PIK3R5: variants seen among roughly 807,000 people sequenced by gnomAD.
PIK3R5 encodes the protein phosphoinositide-3-kinase regulatory subunit 5.
In PIK3R5, 32 loss-of-function variants were observed where a neutral mutation model predicts 94.9. That is an observed-to-expected ratio of 0.34 (90% CI 0.25 to 0.45). The LOEUF (loss-of-function observed/expected upper bound fraction) is 0.45. Among genes scored for constraint, PIK3R5 ranks in the 20% least tolerant of loss-of-function variants. The pLI, the probability that PIK3R5 is intolerant of heterozygous loss-of-function variation, is 1.00. For synonymous variants in PIK3R5, 443 were observed against 479.4 expected (o/e 0.92, Z 0.99); for missense variants, 853 against 1,144.6 (o/e 0.75, Z 3.68).
chr17:8,888,577 AAGGCCACTC>A lies in PIK3R5; in HGVS notation c.1201_1209del (p.Glu401_Pro403del). The A allele has an allele frequency of 3.7e-6, 6 of 1,612,258 alleles. No homozygotes were observed. The South Asian group carries it at 6.6e-5, about 18-fold the overall frequency. ...CGGCGTTCCTGGCTGCCACGCCTCC[AAGGCCACTC>A]GGAGGAGCTCTCCTCGCTGTCCTCC... On this transcript the variant is annotated inframe_deletion, in exon 10 of 19. Transcript: ENST00000447110. The surrounding 1 kb of genome is among the most constrained non-coding windows in gnomAD (Gnocchi z 7.8).
At position 8,880,892 on chromosome 17, in the gene PIK3R5, C is replaced by T. The variant is rs554251416; in HGVS notation, c.2495+13G>A. ...CAGAAACTGCTCCCCTCCCTAGGACCCCCCTTTCCTACCTGACTACACTCT... is the reference window on the plus strand; with the variant it reads ...CAGAAACTGCTCCCCTCCCTAGGACTCCCCTTTCCTACCTGACTACACTCT... On this transcript the variant is annotated intron_variant, in intron 18 of 18. Coordinates refer to ENST00000447110, the MANE Select transcript of PIK3R5 (RefSeq NM_001142633.3). 1.9e-6 allele frequency: 3 copies of T among 1,612,838 alleles called. No homozygotes were observed. Among genetic ancestry groups the T allele is most frequent in the Admixed American group, 3.3e-5 (2 of 60,020 alleles).
chr17:8,882,740 G>C lies in PIK3R5; in HGVS notation c.2206-859C>G, dbSNP rs561725145. Reference sequence around the variant, plus strand: ...CCCCCCAGAGAAGATGGTGCTGCCAGTCACAGAGGAGTGACTCCAGGAGTC... The same window carrying C: ...CCCCCCAGAGAAGATGGTGCTGCCACTCACAGAGGAGTGACTCCAGGAGTC... On this transcript the variant is annotated intron_variant, in intron 15 of 18. Coordinates refer to ENST00000447110, the MANE Select transcript of PIK3R5 (RefSeq NM_001142633.3). This position sits in a 1 kb window ranked among gnomAD's most constrained non-coding sequence, Gnocchi z 4.1. Among the ~76,000 whole-genome samples, 114 of 152,258 alleles carry C rather than the reference G, an allele frequency of 7.5e-4. 1 individual carries two copies. Among genetic ancestry groups the C allele is most frequent in the African/African-American group, 2.5e-3 (105 of 41,542 alleles).
At chr17:8,932,116 T>G (rs2090996666) in intron 1 of PIK3R5, among the ~76,000 whole-genome samples, 1 of 152,182 alleles carries the variant, frequency 6.6e-6, no homozygotes, top group South Asian at 2.1e-4. Context: ...AGAGTAGGTA[T>G]GTTGAAATTA....
intron 1 of PIK3R5, among the ~76,000 whole-genome samples, chr17:8,964,233 A>T (rs910770057): frequency 8.6e-5 from 13 of 152,024 alleles, no homozygotes; most frequent in Non-Finnish European, 1.5e-4. Context: ...CTCTACAAAA[A>T]ATACAAAAAT....
chr17:8,891,235 G>A (rs1346666316), intron 6 of PIK3R5, among the ~76,000 whole-genome samples: 1 of 152,210 alleles, frequency 6.6e-6, no homozygotes, highest in African/African-American at 2.4e-5. Context: ...ACAGCTGAGT[G>A]GATGCAAGAT....
intron 1 of PIK3R5, among the ~76,000 whole-genome samples, chr17:8,920,742 C>A (rs1410767683): frequency 2.0e-5 from 3 of 151,978 alleles, no homozygotes; most frequent in African/African-American, 7.2e-5. Flanking sequence ...ATAATTTTTA[C>A]AATTACTTCT....
chr17:8,917,865 CAAAAAAAGAA>C (rs2090661128), intron 1 of PIK3R5, among the ~76,000 whole-genome samples: 1 of 148,362 alleles, frequency 6.7e-6, no homozygotes, highest in Middle Eastern at 3.4e-3. Flanking sequence ...GACTCCATGT[CAAAAAAAGAA>C]AAAAAAAGAA....
chr17:8,924,980 C>T (rs1196409573), intron 1 of PIK3R5, among the ~76,000 whole-genome samples: 2 of 152,092 alleles, frequency 1.3e-5, no homozygotes, highest in Non-Finnish European at 2.9e-5. Context: ...CTCCCAACTT[C>T]TCACCAAATA....
In PIK3R5 at chr17:8,893,739, A is replaced by G. The variant is rs2090082496; in HGVS notation, c.413-84T>C. ...TGCCTCGTGGGGAGCCAAGCACTGG[A>G]CAATCAGGTTGGAAATTCCCGGATG... is the stretch of plus-strand genomic sequence containing the variant. On this transcript the variant is annotated intron_variant, in intron 5 of 18. Coordinates refer to ENST00000447110, the MANE Select transcript of PIK3R5 (RefSeq NM_001142633.3). This position sits in a 1 kb window ranked among gnomAD's most constrained non-coding sequence, Gnocchi z 5.1. 3 of 1,059,184 alleles carry G rather than the reference A, an allele frequency of 2.8e-6. No homozygotes were observed. Among genetic ancestry groups the G allele is most frequent in the Non-Finnish European group, 4.4e-6 (3 of 685,976 alleles). 65.6% of individuals were successfully genotyped at this position (1,059,184 alleles called of 1,614,324 possible). A position where few individuals can be genotyped will look rare whatever the true frequency, so the allele number is the denominator to read the frequency against.
At position 8,935,335 on chromosome 17, in the gene PIK3R5, T is replaced by C. The variant is rs1597417712; in HGVS notation, c.-13-23828A>G. Among the ~76,000 whole-genome samples, 1 of 152,128 alleles carries C rather than the reference T, an allele frequency of 6.6e-6. No homozygotes were observed. The highest frequency in any genetic ancestry group is 1.5e-5 in the Non-Finnish European group (1 of 68,026). ...CCGCCCAAATATAGGCCCATGATGT[T>C]ATGACCATATGAGCAATAGGGGATA... On this transcript the variant is annotated intron_variant, in intron 1 of 18. Coordinates refer to ENST00000447110, the MANE Select transcript of PIK3R5 (RefSeq NM_001142633.3). The surrounding 1 kb of genome is among the most constrained non-coding windows in gnomAD (Gnocchi z 4.5).
At chr17:8,924,062 T>A in intron 1 of PIK3R5, among the ~76,000 whole-genome samples, 1 of 11,558 alleles carries the variant, frequency 8.7e-5, no homozygotes, top group Non-Finnish European at 1.8e-4. Context: ...CCTCCCCCCC[T>A]CCCCTCCCTT....
Position 8,892,422 on chromosome 17 carries a change from G to A in PIK3R5, c.482+1164C>T, listed in dbSNP as rs983694251. 6.6e-6 allele frequency among the ~76,000 whole-genome samples: 1 copy of A among 151,956 alleles called. No homozygotes were observed. The highest frequency in any genetic ancestry group is 6.5e-5 in the Admixed American group (1 of 15,270). On this transcript the variant is annotated intron_variant, in intron 6 of 18. Transcript: ENST00000447110. The surrounding 1 kb of genome is among the most constrained non-coding windows in gnomAD (Gnocchi z 4.3). ...TTCTCAATTTACAGATAATGAAAGT[G>A]AGACCATCTCCCAACTGTAAGCTCT...
At position 8,896,968 on chromosome 17, in the gene PIK3R5, T is replaced by G. The variant is rs963933490; in HGVS notation, c.413-3313A>C. ...TCCAGCAACTATGATTAATATCAAC[T>G]CATGGTGGACAGTTTGACCTACCTC... On this transcript the variant is annotated intron_variant, in intron 5 of 18. Coordinates refer to ENST00000447110, the MANE Select transcript of PIK3R5 (RefSeq NM_001142633.3). This position sits in a 1 kb window ranked among gnomAD's most constrained non-coding sequence, Gnocchi z 4.0. Among the ~76,000 whole-genome samples the G allele has an allele frequency of 1.3e-5, 2 of 152,184 alleles. No homozygotes were observed. Among genetic ancestry groups the G allele is most frequent in the Admixed American group, 6.6e-5 (1 of 15,266 alleles).
Position 8,925,246 on chromosome 17 carries a change from GTAGA to G in PIK3R5, c.-13-13743_-13-13740del, listed in dbSNP as rs539874356. 4.4e-4 allele frequency among the ~76,000 whole-genome samples: 66 copies of G among 149,362 alleles called. No homozygotes were observed. The highest frequency in any genetic ancestry group is 3.8e-3 in the South Asian group (18 of 4,740). Reference sequence around the variant, plus strand: ...AGATGGATAGATAGATAGTAGATGGGTAGATAGATAGATGGTTAGCTAGTAGATG... The same window carrying G: ...AGATGGATAGATAGATAGTAGATGGGTAGATAGATGGTTAGCTAGTAGATG... On this transcript the variant is annotated intron_variant, in intron 1 of 18. Transcript: ENST00000447110. This position sits in a 1 kb window ranked among gnomAD's most constrained non-coding sequence, Gnocchi z 5.1.
intron 3 of PIK3R5, 38 bp from the exon 4 acceptor site, chr17:8,905,775 C>T (rs369319112): frequency 6.4e-5 from 93 of 1,457,918 alleles, no homozygotes; most frequent in Middle Eastern, 1.8e-4. Flanking sequence ...GCCTCATTCA[C>T]GGGGTCCAGG....
intron 1 of PIK3R5, among the ~76,000 whole-genome samples, chr17:8,964,132 T>C (rs953845208): frequency 6.6e-6 from 1 of 152,182 alleles, no homozygotes; most frequent in Non-Finnish European, 1.5e-5. Flanking sequence ...GGCTCATGTC[T>C]ATAATCCCAG....
In PIK3R5 at chr17:8,890,812, T is replaced by C. The variant is rs797045887; in HGVS notation, c.583A>G (p.Thr195Ala). 6.2e-7 allele frequency: 1 copy of C among 1,613,142 alleles called. No individual in the cohort carries two copies. Among genetic ancestry groups the C allele is most frequent in the South Asian group, 1.1e-5 (1 of 90,836 alleles). ...PGHSPHSAYT[T>A]LLLHAFQATF... The stretch of plus-strand genomic sequence containing the variant: ...GCCTGGAAGGCGTGCAGGAGCAGGG[T>C]GGTGTAGGCACTGTGAGGCGAGTGT... Residue 195 changes from threonine (T) to alanine (A), a missense_variant, in exon 7 of 19, where the codon ACC becomes GCC. This residue lies in a region of PIK3R5 where 161 missense variants were observed against 249.5 expected (regional missense o/e 0.65). Transcript: ENST00000447110. The surrounding 1 kb of genome is among the most constrained non-coding windows in gnomAD (Gnocchi z 6.1).
intron 1 of PIK3R5, among the ~76,000 whole-genome samples, chr17:8,957,448 G>C (rs191105437): frequency 6.6e-6 from 1 of 152,332 alleles, no homozygotes; most frequent in Admixed American, 6.5e-5. Flanking sequence ...AACATCTGAA[G>C]ACAGATACTA....
intron 1 of PIK3R5, among the ~76,000 whole-genome samples, chr17:8,964,563 C>T (rs868373930): frequency 6.6e-6 from 1 of 152,128 alleles, no homozygotes; most frequent in Non-Finnish European, 1.5e-5. Context: ...TCCCAAGCAA[C>T]GGCTTCAGCA....
Sources: gnomAD v4.1 joint callset for allele counts (sites outside exome capture counted in the v4.1 genomes callset) on GRCh38, gnomAD v4.1.1 for gene constraint, gnomAD v4.1.1 regional missense constraint, Gnocchi (gnomAD v3.1) non-coding constraint, MANE v1.5 for transcripts, NCBI Gene and HGNC (gene_info 2026-07-23, HGNC 2026-07-21) for gene names.